Variants in MIS18A observed in about 807,000 individuals in gnomAD.
MIS18A encodes MIS18 kinetochore protein A.
A neutral mutation model predicts 25.0 loss-of-function variants in MIS18A; 14 were observed. That is an observed-to-expected ratio of 0.56 (90% CI 0.37 to 0.88). The LOEUF is 0.88. MIS18A is among the 40% of genes least tolerant of loss of function. The probability of loss-of-function intolerance (pLI) is 0.00; values close to 1 mark genes in which losing one functional copy is unlikely to be tolerated. For missense variants in MIS18A, 292 were observed against 290.8 expected (o/e 1.00, Z -0.03); for synonymous variants, 134 against 118.6 (o/e 1.13, Z -0.84).
chr21:32,268,044 A>T (rs992134216), downstream of MIS18A, among the ~76,000 whole-genome samples: 2 of 152,210 alleles, frequency 1.3e-5, no homozygotes, highest in African/African-American at 4.8e-5. Context: ...CATACCACTG[A>T]GTACTGTTCC....
chr21:32,204,830 T>A, the MIS18A span, among the ~76,000 whole-genome samples: 6 of 152,194 alleles, frequency 3.9e-5, no homozygotes, highest in East Asian at 7.8e-4. Context: ...GAGGCTGCAG[T>A]GAGCCAAGAT....
chr21:32,194,981 C>A, the MIS18A span, among the ~76,000 whole-genome samples: 1 of 152,172 alleles, frequency 6.6e-6, no homozygotes, highest in African/African-American at 2.4e-5. Flanking sequence ...AAAGCCCAGG[C>A]CTCTCCAGTC....
intron 1 of MIS18A, among the ~76,000 whole-genome samples, chr21:32,275,971 C>A (rs73901370): frequency 0.017 from 2,582 of 152,158 alleles, 59 homozygotes; most frequent in African/African-American, 0.057. Flanking sequence ...ACATTACTCC[C>A]CTGCCTAAGC....
At chr21:32,178,171 C>T in the MIS18A span, among the ~76,000 whole-genome samples, 1 of 152,106 alleles carries the variant, frequency 6.6e-6, no homozygotes, top group African/African-American at 2.4e-5. Flanking sequence ...CCTCACATCT[C>T]CGTCTCTCAG....
the MIS18A span, among the ~76,000 whole-genome samples, chr21:32,228,945 A>G: frequency 6.6e-6 from 1 of 152,124 alleles, no homozygotes; most frequent in Admixed American, 6.6e-5. Flanking sequence ...AATCACCTAT[A>G]TATGCTTCTA....
chr21:32,276,058 T>C (rs780385563), intron 1 of MIS18A, among the ~76,000 whole-genome samples: 4 of 152,190 alleles, frequency 2.6e-5, no homozygotes, highest in Non-Finnish European at 5.9e-5. Flanking sequence ...TTCTGATCTC[T>C]TCCTTCCTCC....
chr21:32,190,774 G>A, the MIS18A span, among the ~76,000 whole-genome samples: 1 of 152,178 alleles, frequency 6.6e-6, no homozygotes, highest in Admixed American at 6.5e-5. Context: ...GAGAAGCTAT[G>A]AGAATAGTTT....
chr21:32,233,114 G>T, the MIS18A span, among the ~76,000 whole-genome samples: 1 of 152,196 alleles, frequency 6.6e-6, no homozygotes, highest in Non-Finnish European at 1.5e-5. Context: ...TCTTTAAATA[G>T]GCCAGTGTTT....
At chr21:32,215,259 C>T in the MIS18A span, among the ~76,000 whole-genome samples, 21 of 152,334 alleles carry the variant, frequency 1.4e-4, no homozygotes, top group East Asian at 4.1e-3. Context: ...CCCTCTCTCC[C>T]TCTCACCCCT....
chr21:32,279,027 GC>G lies in MIS18A; in HGVS notation c.-14del. 1 of 1,577,786 alleles carries G rather than the reference GC, an allele frequency of 6.3e-7. No homozygotes were observed. The highest frequency in any genetic ancestry group is 8.6e-7 in the Non-Finnish European group (1 of 1,162,598). The stretch of plus-strand genomic sequence containing the variant: ...GAACGCCTGCCATTACCTACAAATC[GC>G]CCGCGCCCCAGAGCGCCATGGGAAA... On this transcript the variant is annotated 5_prime_UTR_variant, in exon 1 of 5. It removes the in-frame stop codon of an upstream open reading frame in the 5' UTR. Coordinates refer to ENST00000290130, the MANE Select transcript of MIS18A (RefSeq NM_018944.3).
the MIS18A span, among the ~76,000 whole-genome samples, chr21:32,187,289 T>G: frequency 6.6e-6 from 1 of 152,210 alleles, no homozygotes; most frequent in Admixed American, 6.5e-5. Flanking sequence ...TAGCTTGAAC[T>G]TAGGACATTT....
chr21:32,272,721 T>C (rs572081392), intron 2 of MIS18A, among the ~76,000 whole-genome samples: 2 of 152,350 alleles, frequency 1.3e-5, no homozygotes, highest in South Asian at 4.1e-4. Context: ...AAAACAATCC[T>C]TTTAAGACAA....
At chr21:32,239,270 G>GTAT in the MIS18A span, among the ~76,000 whole-genome samples, 1 of 152,058 alleles carries the variant, frequency 6.6e-6, no homozygotes, top group Non-Finnish European at 1.5e-5. Context: ...CAAATACCAA[G>GTAT]TATTATTATT....
At chr21:32,236,646 T>G in the MIS18A span, among the ~76,000 whole-genome samples, 1 of 152,140 alleles carries the variant, frequency 6.6e-6, no homozygotes, top group Non-Finnish European at 1.5e-5. Context: ...CATCTGGACT[T>G]CAGCCAGCAG....
intron 2 of MIS18A, among the ~76,000 whole-genome samples, chr21:32,271,547 A>G (rs2031714635): frequency 6.6e-6 from 1 of 152,256 alleles, no homozygotes; most frequent in African/African-American, 2.4e-5. Flanking sequence ...CTCACTGATG[A>G]TGTGATTAGC....
At chr21:32,211,140 A>G in the MIS18A span, among the ~76,000 whole-genome samples, 1 of 152,156 alleles carries the variant, frequency 6.6e-6, no homozygotes, top group Admixed American at 6.5e-5. Context: ...TCCCGGGTTC[A>G]AGCAATTCTC....
intron 3 of MIS18A, 60 bp from the exon 4 acceptor site, chr21:32,269,863 G>T: frequency 9.6e-7 from 1 of 1,040,642 alleles, no homozygotes; most frequent in Non-Finnish European, 1.5e-6. Context: ...CTTGTTCCCA[G>T]CTATTCAGGA....
the MIS18A span, among the ~76,000 whole-genome samples, chr21:32,172,394 T>C: frequency 6.6e-6 from 1 of 152,108 alleles, no homozygotes; most frequent in African/African-American, 2.4e-5. Flanking sequence ...ACATCCTAAG[T>C]GTCTGTCAAC....
At chr21:32,242,003 C>T in the MIS18A span, among the ~76,000 whole-genome samples, 1 of 152,184 alleles carries the variant, frequency 6.6e-6, no homozygotes, top group African/African-American at 2.4e-5. Flanking sequence ...CTCAGCCTCC[C>T]GAGTAGCTGG....
Sources: gnomAD v4.1 joint callset for allele counts (sites outside exome capture counted in the v4.1 genomes callset) on GRCh38, gnomAD v4.1.1 for gene constraint, MANE v1.5 for transcripts, NCBI Gene and HGNC (gene_info 2026-07-23, HGNC 2026-07-21) for gene names.